Variants in TRAF3IP1 observed in about 807,000 individuals in gnomAD.
TRAF3IP1 encodes TRAF3-interacting protein 1.
Under a neutral mutation model 89.9 loss-of-function variants are expected in TRAF3IP1, and 53 were observed. The observed-to-expected ratio is 0.59, with a 90% CI of 0.47 to 0.74. The LOEUF (loss-of-function observed/expected upper bound fraction) is 0.74, where lower values mean the gene tolerates loss of function less well. TRAF3IP1 is among the 30% of genes least tolerant of loss of function. TRAF3IP1 has a pLI of 0.00. For synonymous variants in TRAF3IP1, 311 were observed against 322.1 expected (o/e 0.97, Z 0.37); for missense variants, 806 against 866.1 (o/e 0.93, Z 0.87).
intron 15 of TRAF3IP1, among the ~76,000 whole-genome samples, chr2:238,392,532 C>T (rs1701036757): frequency 1.3e-5 from 2 of 152,014 alleles, no homozygotes; most frequent in South Asian, 2.1e-4. Flanking sequence ...TCCTAATCCT[C>T]TGAGGGCCAT....
At chr2:238,367,680 C>T (rs930662815) in intron 15 of TRAF3IP1, among the ~76,000 whole-genome samples, 13 of 152,128 alleles carry the variant, frequency 8.5e-5, no homozygotes, top group Non-Finnish European at 5.9e-5. Flanking sequence ...GGGCTTCCCA[C>T]GCATGGCCTC....
In TRAF3IP1 at chr2:238,351,148, G is replaced by GC. The variant is rs929182976; in HGVS notation, c.1452-1675dup. Among the ~76,000 whole-genome samples the GC allele has an allele frequency of 1.2e-4, 19 of 152,234 alleles. No individual in the cohort carries two copies. Among genetic ancestry groups the GC allele is most frequent in the Admixed American group, 1.1e-3 (17 of 15,286 alleles). On this transcript the variant is annotated intron_variant, in intron 12 of 16. Coordinates refer to ENST00000373327, the MANE Select transcript of TRAF3IP1 (RefSeq NM_015650.4). This position sits in a 1 kb window ranked among gnomAD's most constrained non-coding sequence, Gnocchi z 5.2. ...TGCTGTTAGTGGTAGTGACAGGGGT[G>GC]CCCCTGGGAGTGGGCGTCGAGTGTG...
At chr2:238,343,526 C>T (rs1698753012) in intron 8 of TRAF3IP1, among the ~76,000 whole-genome samples, 1 of 151,880 alleles carries the variant, frequency 6.6e-6, no homozygotes, top group African/African-American at 2.4e-5. Context: ...GGACTACAGG[C>T]ACCTGCCACC....
intron 1 of TRAF3IP1, 84 bp from the exon 2 acceptor site, chr2:238,325,222 C>T: frequency 7.6e-7 from 1 of 1,313,774 alleles, no homozygotes; most frequent in African/African-American, 1.5e-5. Context: ...ATTCTGACAT[C>T]TCCCAAGTGT....
Position 238,399,692 on chromosome 2 carries a change from C to G in TRAF3IP1, c.*773C>G, listed in dbSNP as rs1701387690. ...GAGGCTAGCGCAGCCCCCCGGAGTC[C>G]TTGTTCTCCTTAAGAGGGTCTCGCT... On this transcript the variant is annotated 3_prime_UTR_variant, in exon 17 of 17. Transcript: ENST00000373327. 6.6e-6 allele frequency: 1 copy of G among 152,092 alleles called. No individual in the cohort carries two copies. The allele number at this position is 152,092 out of a possible 1,614,324, so 9.4% of individuals were successfully genotyped here. A position where few individuals can be genotyped will look rare whatever the true frequency, so the allele number is the denominator to read the frequency against.
chr2:238,354,672 A>G (rs1273860271), intron 14 of TRAF3IP1, among the ~76,000 whole-genome samples: 1 of 151,996 alleles, frequency 6.6e-6, no homozygotes, highest in African/African-American at 2.4e-5. Flanking sequence ...TATTTTTGAC[A>G]TGGAGTCTCG....
At chr2:238,385,020 C>A (rs1033554264) in intron 15 of TRAF3IP1, among the ~76,000 whole-genome samples, 4 of 151,678 alleles carry the variant, frequency 2.6e-5, no homozygotes, top group South Asian at 2.1e-4. Flanking sequence ...TTCTTTCTTT[C>A]TTTATTTTTT....
In TRAF3IP1 at chr2:238,348,866, C is replaced by G. The variant is rs1251840853; in HGVS notation, c.1367+18C>G. ...AACATCAGGTCTGTGTGCTTTGAAT[C>G]CCTTTCCCTCAGCAGAGTGATCACA... On this transcript the variant is annotated intron_variant, in intron 11 of 16. Coordinates refer to ENST00000373327, the MANE Select transcript of TRAF3IP1 (RefSeq NM_015650.4). The G allele has an allele frequency of 6.2e-7, 1 of 1,609,076 alleles. No individual in the cohort carries two copies. The highest frequency in any genetic ancestry group is 1.3e-5 in the African/African-American group (1 of 74,792).
At chr2:238,396,620 A>G (rs1254872025) in intron 15 of TRAF3IP1, among the ~76,000 whole-genome samples, 2 of 152,172 alleles carry the variant, frequency 1.3e-5, no homozygotes, top group African/African-American at 4.8e-5. Flanking sequence ...AACTCACATC[A>G]GTTTCTGACA....
intron 15 of TRAF3IP1, among the ~76,000 whole-genome samples, chr2:238,388,462 T>C (rs954750420): frequency 1.1e-4 from 17 of 151,716 alleles, no homozygotes; most frequent in Non-Finnish European, 2.4e-4. Flanking sequence ...GAGATGAACA[T>C]ATGGTTTATG....
chr2:238,330,589 G>T (rs1698072932), intron 5 of TRAF3IP1, among the ~76,000 whole-genome samples: 1 of 152,222 alleles, frequency 6.6e-6, no homozygotes, highest in Non-Finnish European at 1.5e-5. Flanking sequence ...TTCCTCCCGG[G>T]ACAGCCATCT....
intron 15 of TRAF3IP1, among the ~76,000 whole-genome samples, chr2:238,394,520 A>G (rs1701128946): frequency 6.6e-6 from 1 of 152,194 alleles, no homozygotes; most frequent in African/African-American, 2.4e-5. Context: ...TAGATTTACA[A>G]CTAAGGATAG....
intron 15 of TRAF3IP1, among the ~76,000 whole-genome samples, chr2:238,378,718 T>A (rs1700422518): frequency 6.6e-6 from 1 of 152,090 alleles, no homozygotes; most frequent in Non-Finnish European, 1.5e-5. Context: ...CCTAGAACAG[T>A]TTAAGTCTGA....
chr2:238,334,574 A>G (rs1173485700), intron 7 of TRAF3IP1, among the ~76,000 whole-genome samples: 1 of 152,228 alleles, frequency 6.6e-6, no homozygotes, highest in Non-Finnish European at 1.5e-5. Context: ...GTTGGAGGCC[A>G]CTGGCATTGG....
At chr2:238,378,379 C>T (rs1367146380) in intron 15 of TRAF3IP1, among the ~76,000 whole-genome samples, 1 of 152,242 alleles carries the variant, frequency 6.6e-6, no homozygotes, top group Non-Finnish European at 1.5e-5. Flanking sequence ...GTGCTAGGCA[C>T]TGTTCTCGGC....
chr2:238,384,354 A>ATGTG (rs1459166727), intron 15 of TRAF3IP1, among the ~76,000 whole-genome samples: 3 of 125,228 alleles, frequency 2.4e-5, no homozygotes, highest in Non-Finnish European at 5.2e-5. Flanking sequence ...GTATGTATGT[A>ATGTG]TGTATGTATG....
At chr2:238,320,818 G>A in intron 1 of TRAF3IP1, 33 bp downstream of exon 1, 1 of 1,364,178 alleles carries the variant, frequency 7.3e-7, no homozygotes, top group South Asian at 1.6e-5. Context: ...GGCCAGGTGC[G>A]GGTCGGGATT....
chr2:238,381,517 G>A (rs928479419), intron 15 of TRAF3IP1, among the ~76,000 whole-genome samples: 1 of 152,202 alleles, frequency 6.6e-6, no homozygotes, highest in African/African-American at 2.4e-5. Context: ...GCTGGAGGCC[G>A]GGAAGGTGGG....
chr2:238,373,659 A>G (rs1700198854), intron 15 of TRAF3IP1, among the ~76,000 whole-genome samples: 1 of 152,166 alleles, frequency 6.6e-6, no homozygotes, highest in African/African-American at 2.4e-5. Flanking sequence ...GTTTTTTCCA[A>G]TTCTGTGAAG....
Sources: gnomAD v4.1 joint callset for allele counts (sites outside exome capture counted in the v4.1 genomes callset) on GRCh38, gnomAD v4.1.1 for gene constraint, Gnocchi (gnomAD v3.1) non-coding constraint, MANE v1.5 for transcripts, NCBI Gene and HGNC (gene_info 2026-07-23, HGNC 2026-07-21) for gene names.